Variants in COL28A1 observed in about 807,000 individuals in gnomAD.
COL28A1 encodes the protein collagen alpha-1(XXVIII) chain.
In COL28A1, 161 loss-of-function variants were observed where a neutral mutation model predicts 150.2. That is an observed-to-expected ratio of 1.07 (90% CI 0.94 to 1.22). The LOEUF (loss-of-function observed/expected upper bound fraction) is 1.22, where lower values mean the gene tolerates loss of function less well. COL28A1 is among the 50% of genes most tolerant of loss of function. COL28A1 has a pLI of 0.00. For missense variants in COL28A1, 1,617 were observed against 1,388.3 expected, an observed-to-expected ratio of 1.16 and a Z score of -2.62; for synonymous variants, 552 against 469.7, an observed-to-expected ratio of 1.18 and a Z score of -2.26.
downstream of COL28A1, among the ~76,000 whole-genome samples, chr7:7,354,137 C>T (rs570840830): frequency 1.3e-5 from 2 of 152,060 alleles, no homozygotes; most frequent in South Asian, 2.1e-4. Context: ...GGACTACAGG[C>T]ACCCATCATG....
At chr7:7,352,236 CT>C (rs1346720041), downstream of COL28A1, among the ~76,000 whole-genome samples, 1 of 152,046 alleles carries the variant, frequency 6.6e-6, no homozygotes, top group East Asian at 1.9e-4. Context: ...TTGAGTTCTT[CT>C]TAAATGTAAG....
chr7:7,513,087 A>C (rs920102364), intron 8 of COL28A1, among the ~76,000 whole-genome samples: 2 of 152,204 alleles, frequency 1.3e-5, no homozygotes, highest in Non-Finnish European at 2.9e-5. Flanking sequence ...CCATTCACAG[A>C]CTGGCAGCCA....
rs541819663 is a variant in COL28A1 at position 7,440,877 on chromosome 7, T to C, written c.1651-16A>G. On this transcript the variant is annotated splice_polypyrimidine_tract_variant and intron_variant, in intron 20 of 34. Coordinates refer to ENST00000399429, the MANE Select transcript of COL28A1 (RefSeq NM_001037763.3). ...CTTCGTCACCCTAACAAAATAATTA[T>C]GAAAATATAGATTTTCGTATGGTAT... 1.2e-5 allele frequency: 16 copies of C among 1,335,020 alleles called. No homozygotes were observed. The East Asian group carries it at 2.5e-4, about 21-fold the overall frequency. 82.7% of individuals were successfully genotyped at this position (1,335,020 alleles called of 1,614,324 possible). A position where few individuals can be genotyped will look rare whatever the true frequency, so the allele number is the denominator to read the frequency against.
chr7:7,470,764 T>C (rs1788340289), intron 15 of COL28A1, among the ~76,000 whole-genome samples: 4 of 121,818 alleles, frequency 3.3e-5, no homozygotes, highest in Admixed American at 8.4e-5. Flanking sequence ...ATATACACCA[T>C]GGAATACTAT....
intron 27 of COL28A1, among the ~76,000 whole-genome samples, chr7:7,397,955 T>C (rs17456602): frequency 6.6e-6 from 1 of 152,212 alleles, no homozygotes; most frequent in Non-Finnish European, 1.5e-5. Flanking sequence ...TATTTTTGCA[T>C]TTGCCTCAGA....
At chr7:7,367,779 C>A (rs1781011857) in intron 33 of COL28A1, among the ~76,000 whole-genome samples, 1 of 148,938 alleles carries the variant, frequency 6.7e-6, no homozygotes, top group African/African-American at 2.5e-5. Context: ...GGCACCTCCA[C>A]TTTACATGGT....
intron 34 of COL28A1, 77 bp downstream of exon 34, chr7:7,360,313 C>T: frequency 7.3e-7 from 1 of 1,378,094 alleles, no homozygotes; most frequent in Non-Finnish European, 9.6e-7. Context: ...ATTGGCAGAT[C>T]TCTCTTTCCT....
chr7:7,515,925 T>C (rs1781391453), intron 7 of COL28A1, 85 bp from the exon 8 acceptor site: 1 of 757,642 alleles, frequency 1.3e-6, no homozygotes, highest in Admixed American at 2.0e-5. Flanking sequence ...AATTACAAGG[T>C]ATAACAAAAA....
At chr7:7,422,085 A>G (rs80074674) in intron 25 of COL28A1, among the ~76,000 whole-genome samples, 2,682 of 152,272 alleles carry the variant, frequency 0.018, 87 homozygotes, top group African/African-American at 0.061. Context: ...AAGTTCTCCA[A>G]CTACACCTGA....
intron 25 of COL28A1, among the ~76,000 whole-genome samples, chr7:7,422,970 A>G (rs1784457905): frequency 6.6e-6 from 1 of 152,220 alleles, no homozygotes; most frequent in Admixed American, 6.5e-5. Flanking sequence ...AGCTATTTCA[A>G]TCAAATGCAA....
intron 30 of COL28A1, among the ~76,000 whole-genome samples, chr7:7,378,376 G>C (rs948019979): frequency 2.0e-5 from 3 of 152,052 alleles, no homozygotes; most frequent in African/African-American, 7.3e-5. Context: ...CCTGCCTTTA[G>C]TGGCTACATT....
In COL28A1 at chr7:7,506,103, T is replaced by C. The variant is rs779699193; in HGVS notation, c.973-36A>G. 5.9e-6 allele frequency: 6 copies of C among 1,010,328 alleles called. No individual in the cohort carries two copies. In the East Asian group the frequency reaches 1.4e-4, roughly 24 times the overall value. 62.6% of individuals were successfully genotyped at this position (1,010,328 alleles called of 1,614,324 possible). A position where few individuals can be genotyped will look rare whatever the true frequency, so the allele number is the denominator to read the frequency against. On this transcript the variant is annotated intron_variant, in intron 10 of 34. Coordinates refer to ENST00000399429, the MANE Select transcript of COL28A1 (RefSeq NM_001037763.3). ...ATGAAAACCAAGAATTAGTTCTGTG[T>C]ACAAAAGGCCAGCAGGAATGAATCA...
chr7:7,484,931 A>T (rs1201465230), intron 13 of COL28A1, among the ~76,000 whole-genome samples: 1 of 152,140 alleles, frequency 6.6e-6, no homozygotes, highest in Non-Finnish European at 1.5e-5. Flanking sequence ...TACTGAGAAC[A>T]CAAGGACACA....
At chr7:7,453,535 T>C (rs1786886018) in intron 16 of COL28A1, 27 bp from the exon 17 acceptor site, 1 of 897,618 alleles carries the variant, frequency 1.1e-6, no homozygotes, top group Non-Finnish European at 1.9e-6. Flanking sequence ...TATAAAATAG[T>C]GTTAGTGAAA....
the COL28A1 span, among the ~76,000 whole-genome samples, chr7:7,342,609 T>G: frequency 6.6e-6 from 1 of 152,174 alleles, no homozygotes; most frequent in African/African-American, 2.4e-5. Flanking sequence ...ATTCTTGTAT[T>G]GCTTTTCCTA....
chr7:7,531,283 G>T, intron 3 of COL28A1, 65 bp downstream of exon 3: 1 of 677,136 alleles, frequency 1.5e-6, no homozygotes, highest in Non-Finnish European at 2.5e-6. Flanking sequence ...CTCTTCTTAT[G>T]GGATTTACAA....
chr7:7,439,768 T>C (rs1380878979), intron 21 of COL28A1, among the ~76,000 whole-genome samples: 1 of 152,200 alleles, frequency 6.6e-6, no homozygotes, highest in East Asian at 1.9e-4. Flanking sequence ...GGGCATTTAC[T>C]TGAGAAGCAC....
chr7:7,428,488 T>C (rs1784765067), intron 25 of COL28A1, among the ~76,000 whole-genome samples: 1 of 152,258 alleles, frequency 6.6e-6, no homozygotes, highest in Non-Finnish European at 1.5e-5. Context: ...TTATGCTACA[T>C]GTACCTTACA....
chr7:7,348,116 T>C, the COL28A1 span, among the ~76,000 whole-genome samples: 6 of 152,160 alleles, frequency 3.9e-5, no homozygotes, highest in East Asian at 1.9e-4. Context: ...CAGTGAGTTA[T>C]AGAAAGGGGG....
Sources: gnomAD v4.1 joint callset for allele counts (sites outside exome capture counted in the v4.1 genomes callset) on GRCh38, gnomAD v4.1.1 for gene constraint, MANE v1.5 for transcripts, NCBI Gene and HGNC (gene_info 2026-07-23, HGNC 2026-07-21) for gene names.